TLE2: variants seen among roughly 807,000 people sequenced by gnomAD.
The protein encoded by TLE2 is TLE family member 2, transcriptional corepressor, also known as transducin-like enhancer protein 2.
A neutral mutation model predicts 97.2 loss-of-function variants in TLE2; 74 were observed. The ratio of observed to expected loss-of-function variants is 0.76; its 90% CI spans 0.63 to 0.92. The LOEUF (loss-of-function observed/expected upper bound fraction) is 0.92. TLE2 is among the 40% of genes least tolerant of loss of function. The probability of loss-of-function intolerance (pLI) is 0.00; values close to 1 mark genes in which losing one functional copy is unlikely to be tolerated. For synonymous variants in TLE2, 499 were observed against 432.1 expected (o/e 1.15, Z -1.92); for missense variants, 1,038 against 1,008.7 (o/e 1.03, Z -0.39).
At chr19:3,045,091 G>GTA (rs2090132338) in intron 1 of TLE2, among the ~76,000 whole-genome samples, 1 of 152,190 alleles carries the variant, frequency 6.6e-6, no homozygotes, top group South Asian at 2.1e-4. Context: ...GTGTGTGCCT[G>GTA]TAGTCTTGGC....
At chr19:3,030,783 T>C (rs1223892273), upstream of TLE2, among the ~76,000 whole-genome samples, 1 of 151,780 alleles carries the variant, frequency 6.6e-6, no homozygotes, top group Non-Finnish European at 1.5e-5. Flanking sequence ...TTTGTATCTC[T>C]ACAAAAAATA....
chr19:3,001,796 T>C (rs895009162), intron 18 of TLE2, among the ~76,000 whole-genome samples: 5 of 145,218 alleles, frequency 3.4e-5, no homozygotes, highest in Admixed American at 1.4e-4. Flanking sequence ...TCTTTCTTTT[T>C]TTTTTTTTTT....
intron 17 of TLE2, 85 bp downstream of exon 17, chr19:3,005,352 T>C (rs1160146672): frequency 4.6e-6 from 7 of 1,528,484 alleles, no homozygotes; most frequent in Non-Finnish European, 6.1e-6. Flanking sequence ...CTGTCCTGCC[T>C]CTGGAAGTGG....
chr19:3,004,204 C>T (rs1420244203), intron 17 of TLE2, among the ~76,000 whole-genome samples: 3 of 152,106 alleles, frequency 2.0e-5, no homozygotes, highest in South Asian at 2.1e-4. Flanking sequence ...TGTGTAAAGA[C>T]GCATTGGGGG....
chr19:3,040,028 G>T (rs941288447), intron 1 of TLE2, among the ~76,000 whole-genome samples: 2 of 152,234 alleles, frequency 1.3e-5, no homozygotes, highest in African/African-American at 4.8e-5. Flanking sequence ...CGGCCCAGCG[G>T]GGACAATTTG....
chr19:3,024,995 TCCCCCCA>T lies in TLE2; in HGVS notation c.294+18_294+24del. ...TCTTCTTCCGGCTCCCTTCCCCTCC[TCCCCCCA>T]CCCCCAGGCCCACTCACCTCCTGGG... On this transcript the variant is annotated intron_variant, in intron 5 of 19. Transcript: ENST00000262953. The T allele has an allele frequency of 1.3e-6, 1 of 790,168 alleles. No individual in the cohort carries two copies. Among genetic ancestry groups the T allele is most frequent in the Non-Finnish European group, 2.0e-6 (1 of 500,974 alleles). 48.9% of individuals were successfully genotyped at this position (790,168 alleles called of 1,614,324 possible).
upstream of TLE2, among the ~76,000 whole-genome samples, chr19:3,030,246 A>C (rs2090012408): frequency 6.6e-6 from 1 of 152,186 alleles, no homozygotes; most frequent in African/African-American, 2.4e-5. Context: ...TGAAGGCAGG[A>C]GCCGTGTCCC....
chr19:3,036,193 T>G (rs1467338204), intron 1 of TLE2, among the ~76,000 whole-genome samples: 1 of 152,032 alleles, frequency 6.6e-6, no homozygotes, highest in African/African-American at 2.4e-5. Flanking sequence ...AGGGGGGTGG[T>G]GCTGGGCCTT....
upstream of TLE2, among the ~76,000 whole-genome samples, chr19:3,033,833 A>G (rs963179): frequency 0.54 from 81,623 of 151,518 alleles, 22,653 homozygotes; most frequent in African/African-American, 0.68. Context: ...AGCGAGACCC[A>G]ACCCCCACCC....
chr19:3,001,917 C>T (rs2145113398), intron 18 of TLE2, among the ~76,000 whole-genome samples: 1 of 151,250 alleles, frequency 6.6e-6, no homozygotes, highest in Middle Eastern at 3.4e-3. Context: ...CCTGCCTCAA[C>T]CTCCCAAGTA....
intron 7 of TLE2, among the ~76,000 whole-genome samples, chr19:3,018,108 C>T (rs2089754202): frequency 2.0e-5 from 3 of 152,030 alleles, no homozygotes; most frequent in South Asian, 4.2e-4. Context: ...TGTTGAACCC[C>T]AGGGCCTTGC....
intron 13 of TLE2, 55 bp from the exon 14 acceptor site, chr19:3,009,000 T>C (rs2089534601): frequency 7.0e-7 from 1 of 1,430,268 alleles, no homozygotes; most frequent in Middle Eastern, 1.8e-4. Flanking sequence ...CCCACCTCTG[T>C]GCCACCCCAC....
chr19:2,998,589 T>G (rs2089279478), intron 19 of TLE2, among the ~76,000 whole-genome samples: 2 of 152,152 alleles, frequency 1.3e-5, no homozygotes, highest in Admixed American at 1.3e-4. Flanking sequence ...AATTTTTGTA[T>G]TTTTAGTAGA....
Position 3,006,635 on chromosome 19 carries a change from T to C in TLE2, c.1285A>G (p.Met429Val), listed in dbSNP as rs374939766. 1 of 1,609,742 alleles carries C rather than the reference T, an allele frequency of 6.2e-7. No homozygotes were observed. Among genetic ancestry groups the C allele is most frequent in the Non-Finnish European group, 8.5e-7 (1 of 1,177,868 alleles). Residue 429 changes from methionine to valine, a missense_variant, in exon 15 of 20, where the codon ATG (methionine) becomes GTG (valine). Transcript: ENST00000262953. ...YSFHVSADGQMQPVPFPSDAL... is the reference protein window; with the variant it reads ...YSFHVSADGQVQPVPFPSDAL... ...TCCGAGGGGAAGGGAACCGGCTGCA[T>C]CTGCCCGTCCGCAGACACGTGGAAG...
chr19:2,999,943 G>C (rs1196360779), intron 19 of TLE2, among the ~76,000 whole-genome samples: 3 of 150,692 alleles, frequency 2.0e-5, no homozygotes, highest in African/African-American at 7.3e-5. Context: ...TGTGGCAGGA[G>C]AATCGATTGA....
intron 4 of TLE2, 76 bp downstream of exon 4, chr19:3,027,753 G>C: frequency 6.8e-7 from 1 of 1,479,242 alleles, no homozygotes. Context: ...GGCCCCGGCT[G>C]CCCACTCTGG....
intron 18 of TLE2, 126 bp from the exon 19 acceptor site, chr19:3,000,849 A>T (rs2089342616): frequency 1.5e-6 from 1 of 657,740 alleles, no homozygotes; most frequent in Admixed American, 2.7e-5. Context: ...TTTCCAAGAA[A>T]GGGTCTTGCT....
intron 18 of TLE2, 101 bp from the exon 19 acceptor site, chr19:3,000,824 C>CAT (rs2089341636): frequency 4.0e-6 from 2 of 505,196 alleles, no homozygotes; most frequent in Admixed American, 3.5e-5. Context: ...TGGCCTCTCC[C>CAT]TTTTTTTTTT....
chr19:3,009,506 T>C, intron 13 of TLE2, 36 bp downstream of exon 13: 1 of 1,558,742 alleles, frequency 6.4e-7, no homozygotes. Flanking sequence ...CCCTGGGCCC[T>C]GCTGACACCT....
Sources: allele counts gnomAD v4.1 joint callset (sites outside exome capture counted in the v4.1 genomes callset), GRCh38; gene constraint gnomAD v4.1.1; transcripts MANE v1.5; gene names NCBI Gene and HGNC (gene_info 2026-07-23, HGNC 2026-07-21).